The following ACYP2 variants were observed in gnomAD, a reference collection of about 807,000 sequenced individuals.
The protein encoded by ACYP2 is acylphosphatase 2.
Under a neutral mutation model 11.2 loss-of-function variants are expected in ACYP2, and 12 were observed. The observed-to-expected ratio is 1.08, with a 90% confidence interval of 0.69 to 1.74. ACYP2 has a LOEUF of 1.74. ACYP2 is among the 40% of genes most tolerant of loss of function. The probability of loss-of-function intolerance (pLI) is 0.00; values close to 1 mark genes in which losing one functional copy is unlikely to be tolerated. For synonymous variants in ACYP2, 43 were observed against 32.2 expected, an observed-to-expected ratio of 1.33 and a Z score of -1.13; for missense variants, 134 against 101.9, an observed-to-expected ratio of 1.31 and a Z score of -1.35.
intron 4 of ACYP2, among the ~76,000 whole-genome samples, chr2:54,068,924 A>C (rs1355523186): frequency 6.6e-6 from 1 of 151,832 alleles, no homozygotes; most frequent in African/African-American, 2.4e-5. Flanking sequence ...TTTTTAATTT[A>C]TTTTATTTAA....
intron 6 of ACYP2, among the ~76,000 whole-genome samples, chr2:54,281,765 A>G (rs1387969618): frequency 6.6e-6 from 1 of 152,234 alleles, no homozygotes; most frequent in African/African-American, 2.4e-5. Flanking sequence ...AAGGAGTTAA[A>G]TACAGATTGT....
intron 2 of ACYP2, among the ~76,000 whole-genome samples, chr2:54,023,757 A>C (rs1674124765): frequency 6.6e-6 from 1 of 152,218 alleles, no homozygotes; most frequent in Non-Finnish European, 1.5e-5. Flanking sequence ...GAAGAAATAG[A>C]AACTCTGAAC....
chr2:53,974,918 G>C (rs1041094521), intron 2 of ACYP2, among the ~76,000 whole-genome samples: 1 of 152,120 alleles, frequency 6.6e-6, no homozygotes, highest in Non-Finnish European at 1.5e-5. Context: ...GGAGAAGAGA[G>C]ATGTCAAGAC....
intron 6 of ACYP2, among the ~76,000 whole-genome samples, chr2:54,260,628 C>A (rs573341313): frequency 2.6e-5 from 4 of 152,066 alleles, no homozygotes; most frequent in Non-Finnish European, 5.9e-5. Context: ...CTGAAGGTCT[C>A]CTGGGGTCGA....
chr2:54,051,313 A>G (rs1675854065), intron 3 of ACYP2: 1 of 765,736 alleles, frequency 1.3e-6, no homozygotes. Context: ...CAGATGCTTC[A>G]GTCAACTTCT....
At chr2:53,982,875 A>T (rs112187086) in intron 2 of ACYP2, among the ~76,000 whole-genome samples, 116 of 119,604 alleles carry the variant, frequency 9.7e-4, no homozygotes, top group African/African-American at 4.0e-3. Context: ...TGTGTGTGTG[A>T]TATAAATAGG....
rs565141905 is a variant in ACYP2 at position 54,272,056 on chromosome 2, A to G, written c.405-32632A>G. 2.5e-4 allele frequency among the ~76,000 whole-genome samples: 38 copies of G among 152,322 alleles called. No individual in the cohort carries two copies. The East Asian group carries it at 7.1e-3, about 29-fold the overall frequency. On this transcript the variant is annotated intron_variant, in intron 6 of 6. Transcript: ENST00000607452. ...TTTCAGTTCCTCAACTGAGGAAGCCATTGATGAAGCACCTTCTTTTCATGG... is the reference window on the plus strand; with the variant it reads ...TTTCAGTTCCTCAACTGAGGAAGCCGTTGATGAAGCACCTTCTTTTCATGG...
At chr2:54,194,701 T>G (rs1387454484) in intron 6 of ACYP2, among the ~76,000 whole-genome samples, 1 of 152,230 alleles carries the variant, frequency 6.6e-6, no homozygotes, top group Non-Finnish European at 1.5e-5. Context: ...GCAAACACTT[T>G]CTGTTGCTTT....
intron 4 of ACYP2, among the ~76,000 whole-genome samples, chr2:54,082,253 C>CTT (rs59568295): frequency 4.2e-4 from 60 of 143,920 alleles, no homozygotes; most frequent in African/African-American, 1.1e-3. Flanking sequence ...TTTTTTTTTT[C>CTT]TTTTTTTTTT....
intron 6 of ACYP2, chr2:54,142,525 C>G (rs1457563316): frequency 6.6e-6 from 1 of 152,012 alleles, no homozygotes; most frequent in Admixed American, 6.6e-5. Context: ...GAGTTCAAGA[C>G]CAGCCTGTCC....
At chr2:54,226,399 G>A (rs1686013110) in intron 6 of ACYP2, among the ~76,000 whole-genome samples, 1 of 152,200 alleles carries the variant, frequency 6.6e-6, no homozygotes, top group African/African-American at 2.4e-5. Flanking sequence ...AGGCAGTCCT[G>A]AAAGGGCAGA....
intron 2 of ACYP2, among the ~76,000 whole-genome samples, chr2:54,023,292 A>G (rs989071169): frequency 3.3e-5 from 5 of 152,114 alleles, no homozygotes; most frequent in Non-Finnish European, 7.4e-5. Context: ...GCTCTTATGG[A>G]AAGTATGTGT....
chr2:54,045,986 C>T (rs1675500296), intron 2 of ACYP2, among the ~76,000 whole-genome samples: 1 of 151,744 alleles, frequency 6.6e-6, no homozygotes, highest in Admixed American at 6.6e-5. Flanking sequence ...GCCTGGGCAA[C>T]ATGGCAAAAC....
intron 2 of ACYP2, chr2:54,029,584 G>A: frequency 7.7e-6 from 3 of 391,946 alleles, no homozygotes; most frequent in Non-Finnish European, 1.5e-5. Context: ...TGCTTCAGTT[G>A]AATCCAGGTA....
At position 54,138,725 on chromosome 2, in the gene ACYP2, G is replaced by T; in HGVS notation, c.381G>T (p.Gly127=). ...GCACCGTGACAGGCCAAGTGCAGGG[G>T]CCAGAAGACAAAGTCAATTCCATGT... The change falls in exon 6 of 7, where the codon GGG becomes GGT. Residue 127 remains glycine (G), a synonymous_variant. Transcript: ENST00000607452. 1.2e-6 allele frequency: 2 copies of T among 1,613,912 alleles called. No homozygotes were observed. Among genetic ancestry groups the T allele is most frequent in the Non-Finnish European group, 8.5e-7 (1 of 1,179,902 alleles).
At chr2:54,207,419 G>C (rs1405394803) in intron 6 of ACYP2, among the ~76,000 whole-genome samples, 1 of 151,996 alleles carries the variant, frequency 6.6e-6, no homozygotes, top group Non-Finnish European at 1.5e-5. Flanking sequence ...TTCTTCAATT[G>C]GTTGGGTGAC....
chr2:53,996,788 A>G (rs1672593785), intron 2 of ACYP2, among the ~76,000 whole-genome samples: 1 of 152,240 alleles, frequency 6.6e-6, no homozygotes. Context: ...TCACAAGTAC[A>G]GAGCACAGAC....
chr2:54,128,817 G>A (rs1680712709), intron 4 of ACYP2, among the ~76,000 whole-genome samples: 1 of 151,808 alleles, frequency 6.6e-6, no homozygotes, highest in South Asian at 2.1e-4. Context: ...ATACACAATT[G>A]AATAATTTGG....
intron 6 of ACYP2, among the ~76,000 whole-genome samples, chr2:54,250,981 C>T (rs572876794): frequency 6.6e-6 from 1 of 152,174 alleles, no homozygotes; most frequent in African/African-American, 2.4e-5. Context: ...AAAGCAAGTA[C>T]ATGGTGACGC....
Sources: allele counts gnomAD v4.1 joint callset (sites outside exome capture counted in the v4.1 genomes callset), GRCh38; gene constraint gnomAD v4.1.1; transcripts MANE v1.5; gene names NCBI Gene and HGNC (gene_info 2026-07-23, HGNC 2026-07-21).